BPHL: variants seen among roughly 807,000 people sequenced by gnomAD.
The protein encoded by BPHL is serine hydrolase BPHL.
Under a neutral mutation model 31.2 loss-of-function variants are expected in BPHL, and 27 were observed. The observed-to-expected ratio is 0.87, with a 90% CI of 0.64 to 1.19. BPHL has a LOEUF of 1.19. BPHL is among the 50% of genes most tolerant of loss of function. The probability of loss-of-function intolerance (pLI) is 0.00; values close to 1 mark genes in which losing one functional copy is unlikely to be tolerated. For missense variants in BPHL, 356 were observed against 375.7 expected, an observed-to-expected ratio of 0.95 and a Z score of 0.43; for synonymous variants, 150 against 146.8, an observed-to-expected ratio of 1.02 and a Z score of -0.16.
intron 6 of BPHL, among the ~76,000 whole-genome samples, chr6:3,151,878 TG>T (rs1762534208): frequency 6.6e-6 from 1 of 152,246 alleles, no homozygotes; most frequent in African/African-American, 2.4e-5. Context: ...CAGCGGCTCC[TG>T]GAGCACAGGG....
intron 6 of BPHL, among the ~76,000 whole-genome samples, chr6:3,147,098 C>T (rs1190594576): frequency 6.6e-6 from 1 of 152,006 alleles, no homozygotes; most frequent in Non-Finnish European, 1.5e-5. Flanking sequence ...CTCGTCTCTA[C>T]AAAAAGCAAG....
intron 6 of BPHL, among the ~76,000 whole-genome samples, chr6:3,146,499 TGGGGTG>T (rs1762370268): frequency 2.3e-5 from 2 of 86,746 alleles, no homozygotes; most frequent in East Asian, 3.8e-4. Flanking sequence ...AGTGCTGGTT[TGGGGTG>T]GAGTGCTGGT....
Position 3,129,116 on chromosome 6 carries a change from A to G in BPHL, c.450A>G (p.Ala150=). 1.9e-6 allele frequency: 3 copies of G among 1,613,782 alleles called. No individual in the cohort carries two copies. Among genetic ancestry groups the G allele is most frequent in the Non-Finnish European group, 2.5e-6 (3 of 1,179,852 alleles). The change falls in exon 4 of 7, where the codon GCA becomes GCG. Residue 150 remains alanine, a synonymous_variant. Coordinates refer to ENST00000380379, the MANE Select transcript of BPHL (RefSeq NM_004332.4). ...GCATAACCGCACTCATTGCTGCTGC[A>G]AAATATCCATCTTACATCCACAAGA... ...DGGITALIAA[A]KYPSYIHKMV...
intron 1 of BPHL, among the ~76,000 whole-genome samples, chr6:3,120,007 C>T (rs62391671): frequency 6.6e-6 from 1 of 151,800 alleles, no homozygotes. Flanking sequence ...AGAAAGGCAT[C>T]GAAATAAGTT....
At chr6:3,129,990 A>G (rs951539710) in intron 4 of BPHL, among the ~76,000 whole-genome samples, 19 of 151,912 alleles carry the variant, frequency 1.3e-4, no homozygotes, top group African/African-American at 4.6e-4. Context: ...GTTTTTTAGT[A>G]AAGACGGGGT....
intron 4 of BPHL, among the ~76,000 whole-genome samples, chr6:3,135,259 C>T (rs879802915): frequency 6.6e-6 from 1 of 152,146 alleles, no homozygotes; most frequent in Non-Finnish European, 1.5e-5. Context: ...TTCTTTCATC[C>T]ACCTTTTCTG....
chr6:3,120,960 T>C (rs1761553290), intron 1 of BPHL, among the ~76,000 whole-genome samples: 1 of 152,216 alleles, frequency 6.6e-6, no homozygotes, highest in South Asian at 2.1e-4. Flanking sequence ...TCATGGCCTC[T>C]GGAGTTCTAA....
intron 1 of BPHL, chr6:3,119,153 A>G: frequency 1.2e-6 from 1 of 828,312 alleles, no homozygotes; most frequent in Non-Finnish European, 1.9e-6. Context: ...AGGGAGATAC[A>G]TTTGCCTGTA....
chr6:3,133,471 A>G (rs567486656), intron 4 of BPHL, among the ~76,000 whole-genome samples: 48 of 152,196 alleles, frequency 3.2e-4, no homozygotes, highest in African/African-American at 1.1e-3. Flanking sequence ...CTTTCCTGAT[A>G]AAGTTCAGGC....
At chr6:3,127,464 TA>T (rs1377498788) in intron 3 of BPHL, 56 bp downstream of exon 3, 1 of 1,380,374 alleles carries the variant, frequency 7.2e-7, no homozygotes, top group African/African-American at 1.5e-5. Flanking sequence ...TGTCTTCATT[TA>T]TTTTGTTTAA....
At chr6:3,118,978 T>A in intron 1 of BPHL, 131 bp downstream of exon 1, 1 of 791,406 alleles carries the variant, frequency 1.3e-6, no homozygotes, top group Non-Finnish European at 1.7e-6. Flanking sequence ...GGCTGCCCTG[T>A]CGCCCTTTGT....
rs367793719 is a variant in BPHL, at chr6:3,140,361, A to G, written c.665-25A>G. ...GCGTAGAATGGTTGCACTAAAGCAG[A>G]TTCCTCGTGCTGTGTATCCGTCAGG... On this transcript the variant is annotated intron_variant, in intron 5 of 6. Transcript: ENST00000380379. The surrounding 1 kb of genome is among the most constrained non-coding windows in gnomAD (Gnocchi z 5.2). 2.5e-6 allele frequency: 4 copies of G among 1,613,808 alleles called. No individual in the cohort carries two copies. In the Admixed American group the frequency reaches 5.0e-5, roughly 20 times the overall value.
rs1044372161 is a variant in BPHL, at chr6:3,140,621, C to A, written c.788+112C>A. On this transcript the variant is annotated intron_variant, in intron 6 of 6. Coordinates refer to ENST00000380379, the MANE Select transcript of BPHL (RefSeq NM_004332.4). This position sits in a 1 kb window ranked among gnomAD's most constrained non-coding sequence, Gnocchi z 5.2. ...TTGGAGTTTTAGAGTGCACAGCCCC[C>A]CTTTTGCCAATGCCAGTCAGTAGCA... 106 of 1,495,122 alleles carry A rather than the reference C, an allele frequency of 7.1e-5. No homozygotes were observed. Among genetic ancestry groups the A allele is most frequent in the Non-Finnish European group, 9.4e-5 (104 of 1,107,526 alleles). The allele number at this position is 1,495,122 out of a possible 1,614,324, so 92.6% of individuals were successfully genotyped here.
At chr6:3,132,714 C>G (rs1356246235) in intron 4 of BPHL, among the ~76,000 whole-genome samples, 2 of 152,088 alleles carry the variant, frequency 1.3e-5, no homozygotes, top group Non-Finnish European at 2.9e-5. Context: ...TGCCTGTAGT[C>G]CCAGCCATTT....
At chr6:3,119,443 C>G in intron 1 of BPHL, 2 of 1,611,592 alleles carry the variant, frequency 1.2e-6, no homozygotes, top group Non-Finnish European at 1.7e-6. Context: ...AGGATCTGAT[C>G]TACATGTGTG....
At chr6:3,141,834 C>T (rs1485974073) in intron 6 of BPHL, among the ~76,000 whole-genome samples, 2 of 151,870 alleles carry the variant, frequency 1.3e-5, no homozygotes, top group South Asian at 4.2e-4. Context: ...ATTAGCCGGG[C>T]ATGGTGGCGG....
At chr6:3,139,628 G>A (rs1762116010) in intron 5 of BPHL, 1 of 152,300 alleles carries the variant, frequency 6.6e-6, no homozygotes, top group Admixed American at 6.5e-5. Context: ...CACACGGAGA[G>A]GGAATGGAGA....
At chr6:3,127,605 C>T (rs1335055560) in intron 3 of BPHL, among the ~76,000 whole-genome samples, 197 bp downstream of exon 3, 1 of 152,182 alleles carries the variant, frequency 6.6e-6, no homozygotes, top group Non-Finnish European at 1.5e-5. Context: ...ACTACCAAAT[C>T]TTGGCGGCTC....
chr6:3,128,508 C>T (rs1258296245), intron 3 of BPHL, among the ~76,000 whole-genome samples: 2 of 152,196 alleles, frequency 1.3e-5, no homozygotes, highest in Admixed American at 6.5e-5. Flanking sequence ...CCCTGCCAAA[C>T]GCATGTCCAG....
Sources: allele counts gnomAD v4.1 joint callset (sites outside exome capture counted in the v4.1 genomes callset), GRCh38; gene constraint gnomAD v4.1.1; non-coding constraint Gnocchi (gnomAD v3.1); transcripts MANE v1.5; gene names NCBI Gene and HGNC (gene_info 2026-07-23, HGNC 2026-07-21).